Variants in NOX4 observed in about 807,000 individuals in gnomAD.
NOX4 encodes NADPH oxidase 4.
NOX4 carries 69 observed loss-of-function variants against 87.6 expected under a neutral mutation model. The ratio of observed to expected loss-of-function variants is 0.79; its 90% confidence interval spans 0.65 to 0.96. The LOEUF (loss-of-function observed/expected upper bound fraction) is 0.96, where lower values mean the gene tolerates loss of function less well. Among genes scored for constraint, NOX4 ranks in the 40% least tolerant of loss-of-function variants. The pLI is 0.00. For missense variants in NOX4, 680 were observed against 681.5 expected, an observed-to-expected ratio of 1.00 and a Z score of 0.02; for synonymous variants, 275 against 238.2, an observed-to-expected ratio of 1.15 and a Z score of -1.42.
chr11:89,477,479 G>A (rs960347180), intron 2 of NOX4, among the ~76,000 whole-genome samples: 2 of 152,104 alleles, frequency 1.3e-5, no homozygotes, highest in African/African-American at 4.8e-5. Context: ...AACAGGCCAC[G>A]AACTGGTCTC....
At chr11:89,441,947 CTATA>C (rs5793404) in intron 5 of NOX4, among the ~76,000 whole-genome samples, 7,117 of 137,898 alleles carry the variant, frequency 0.052, 566 homozygotes, top group African/African-American at 0.17. Context: ...TATGTGTTGA[CTATA>C]TATATATATA....
At chr11:89,540,219 T>C in the NOX4 span, among the ~76,000 whole-genome samples, 1 of 152,116 alleles carries the variant, frequency 6.6e-6, no homozygotes, top group African/African-American at 2.4e-5. Flanking sequence ...CCAGAACAAT[T>C]CTGAAACCTA....
the NOX4 span, among the ~76,000 whole-genome samples, chr11:89,562,891 A>C: frequency 6.6e-6 from 1 of 152,058 alleles, no homozygotes; most frequent in Non-Finnish European, 1.5e-5. Flanking sequence ...ACCTGGTGGG[A>C]GGTAATTGGA....
intron 2 of NOX4, among the ~76,000 whole-genome samples, chr11:89,459,181 T>C (rs937733365): frequency 6.6e-6 from 1 of 152,006 alleles, no homozygotes; most frequent in Non-Finnish European, 1.5e-5. Flanking sequence ...CTGGAGATGA[T>C]TATCCTAAAA....
chr11:89,483,748 T>A (rs1946484141), intron 2 of NOX4, among the ~76,000 whole-genome samples: 1 of 152,100 alleles, frequency 6.6e-6, no homozygotes, highest in South Asian at 2.1e-4. Context: ...GACAGTAGAT[T>A]TTCTGCTTTT....
At chr11:89,561,918 G>T in the NOX4 span, among the ~76,000 whole-genome samples, 1 of 152,188 alleles carries the variant, frequency 6.6e-6, no homozygotes, top group African/African-American at 2.4e-5. Flanking sequence ...GAAGCAAGGT[G>T]ATTTCAGAGA....
chr11:89,554,107 T>C, the NOX4 span, among the ~76,000 whole-genome samples: 1 of 151,656 alleles, frequency 6.6e-6, no homozygotes, highest in Non-Finnish European at 1.5e-5. Flanking sequence ...TTTTCAGAAA[T>C]AGTATCAAGT....
At chr11:89,522,966 A>G in the NOX4 span, among the ~76,000 whole-genome samples, 4 of 152,246 alleles carry the variant, frequency 2.6e-5, no homozygotes, top group South Asian at 2.1e-4. Flanking sequence ...TAGCTATACA[A>G]ACTCCCAGGA....
At chr11:89,443,325 G>C (rs1345809567) in intron 5 of NOX4, 2 of 152,036 alleles carry the variant, frequency 1.3e-5, no homozygotes, top group African/African-American at 2.4e-5. Flanking sequence ...ATATGTGGAG[G>C]GGAAAAAGGA....
intron 2 of NOX4, among the ~76,000 whole-genome samples, chr11:89,454,747 C>G (rs1198615090): frequency 6.6e-6 from 1 of 152,080 alleles, no homozygotes; most frequent in Non-Finnish European, 1.5e-5. Context: ...GTACAACTAA[C>G]AGGTTTACCA....
At chr11:89,367,477 C>T (rs1939095171) in intron 12 of NOX4, among the ~76,000 whole-genome samples, 1 of 152,090 alleles carries the variant, frequency 6.6e-6, no homozygotes, top group Non-Finnish European at 1.5e-5. Flanking sequence ...CTTTCCTTTG[C>T]ATCTTCCTAA....
At chr11:89,367,813 G>A (rs1939120675) in intron 12 of NOX4, among the ~76,000 whole-genome samples, 1 of 151,940 alleles carries the variant, frequency 6.6e-6, no homozygotes, top group Non-Finnish European at 1.5e-5. Context: ...CTCTTCCTTG[G>A]CCTAATATTT....
intron 2 of NOX4, among the ~76,000 whole-genome samples, chr11:89,483,759 A>G (rs557309624): frequency 1.3e-5 from 2 of 152,252 alleles, no homozygotes; most frequent in African/African-American, 2.4e-5. Flanking sequence ...TTCTGCTTTT[A>G]TCACAAAAAA....
intron 7 of NOX4, among the ~76,000 whole-genome samples, chr11:89,429,938 C>T (rs891560197): frequency 2.0e-5 from 3 of 152,086 alleles, no homozygotes; most frequent in Non-Finnish European, 4.4e-5. Context: ...TGATGAACAT[C>T]GATGGAAAAA....
intron 11 of NOX4, among the ~76,000 whole-genome samples, chr11:89,380,670 A>T (rs893575414): frequency 1.3e-5 from 2 of 152,166 alleles, no homozygotes; most frequent in African/African-American, 4.8e-5. Context: ...CTCTTATTAG[A>T]CACTAAGGGA....
intron 7 of NOX4, among the ~76,000 whole-genome samples, chr11:89,428,725 G>A (rs370665478): frequency 1.2e-3 from 189 of 152,238 alleles, no homozygotes; most frequent in South Asian, 9.1e-3. Context: ...CAAGTCCTTA[G>A]AGACCTACAA....
intron 11 of NOX4, among the ~76,000 whole-genome samples, chr11:89,395,015 C>T (rs1941378601): frequency 6.6e-6 from 1 of 152,096 alleles, no homozygotes; most frequent in South Asian, 2.1e-4. Flanking sequence ...TGGGTATATA[C>T]CCAGTAATGG....
intron 13 of NOX4, among the ~76,000 whole-genome samples, chr11:89,345,626 T>A (rs1334012134): frequency 1.3e-5 from 2 of 152,148 alleles, no homozygotes; most frequent in Non-Finnish European, 2.9e-5. Flanking sequence ...ATTGTTTCCA[T>A]CTTCATGTCT....
chr11:89,472,743 T>C lies in NOX4; in HGVS notation c.153+17715A>G, dbSNP rs536523924. ...ACAGAGGGCAGAAAACATTCACTTC[T>C]AGACTCTGTGCCTGTCTGGCAAAGT... is the stretch of plus-strand genomic sequence containing the variant. On this transcript the variant is annotated intron_variant, in intron 2 of 17. Transcript: ENST00000263317. Among the ~76,000 whole-genome samples the C allele has an allele frequency of 2.0e-5, 3 of 152,320 alleles. No homozygotes were observed. In the South Asian group the frequency reaches 6.2e-4, roughly 32 times the overall value.
Sources: gnomAD v4.1 joint callset for allele counts (sites outside exome capture counted in the v4.1 genomes callset) on GRCh38, gnomAD v4.1.1 for gene constraint, MANE v1.5 for transcripts, NCBI Gene and HGNC (gene_info 2026-07-23, HGNC 2026-07-21) for gene names.